NEXMIF: variants seen among roughly 807,000 people sequenced by gnomAD.
NEXMIF encodes neurite extension and migration factor.
A neutral mutation model predicts 62.1 loss-of-function variants in NEXMIF; 8 were observed. The ratio of observed to expected loss-of-function variants is 0.13; its 90% CI spans 0.08 to 0.23. NEXMIF has a LOEUF of 0.23. Among genes scored for constraint, NEXMIF ranks in the 10% least tolerant of loss-of-function variants. The pLI is 1.00. For synonymous variants in NEXMIF, 404 were observed against 416.6 expected, an observed-to-expected ratio of 0.97 and a Z score of 0.37; for missense variants, 976 against 1,113.3, an observed-to-expected ratio of 0.88 and a Z score of 1.75.
intron 1 of NEXMIF, among the ~76,000 whole-genome samples, chrX:74,903,325 TACACACACACACACACACACAC>T (rs397897060): frequency 3.7e-4 from 19 of 51,222 alleles, no homozygotes; most frequent in Admixed American, 3.3e-3. Context: ...TTCTCAGGCA[TACACACACACACACACACACAC>T]ACACACACAC....
intron 1 of NEXMIF, among the ~76,000 whole-genome samples, chrX:74,793,500 T>G (rs887655275): frequency 8.1e-5 from 9 of 111,045 alleles, no homozygotes; most frequent in Non-Finnish European, 1.7e-4. Flanking sequence ...TTCTCTGTAT[T>G]TCCTGAATCT....
At chrX:74,881,155 AAGAT>A (rs905618592) in intron 1 of NEXMIF, among the ~76,000 whole-genome samples, 4 of 111,354 alleles carry the variant, frequency 3.6e-5, no homozygotes, top group African/African-American at 6.6e-5. Flanking sequence ...AGAGAAAAGA[AAGAT>A]AGAGACAAAA....
intron 1 of NEXMIF, among the ~76,000 whole-genome samples, chrX:74,856,073 A>G (rs2080533860): frequency 8.9e-6 from 1 of 112,283 alleles, no homozygotes; most frequent in Non-Finnish European, 1.9e-5. Flanking sequence ...AAAGCAATCA[A>G]TAGAAACTGT....
intron 1 of NEXMIF, among the ~76,000 whole-genome samples, chrX:74,842,343 A>C (rs751030592): frequency 9.0e-6 from 1 of 110,914 alleles, no homozygotes; most frequent in South Asian, 3.8e-4. Flanking sequence ...ATCATTTCTA[A>C]TTGTGTTTAT....
rs769366421 is a variant in NEXMIF at position 74,741,454 on chromosome X, C to A, written c.3103G>T (p.Val1035Leu). Residue 1035 changes from valine to leucine, a missense_variant, in exon 3 of 4, where the codon GTG becomes TTG. Physicochemically the swap from Val to Leu is conservative, Grantham distance 32. This residue lies in a region of NEXMIF where 639 missense variants were observed against 694.5 expected (regional missense o/e 0.92). Coordinates refer to ENST00000055682, the MANE Select transcript of NEXMIF (RefSeq NM_001008537.3). Reference sequence around the variant, plus strand: ...ATCTCATCAATGCTTTGCTGGATCACCAGCTTAGGGCTGCAATGGGCCAGG... The same window carrying A: ...ATCTCATCAATGCTTTGCTGGATCAACAGCTTAGGGCTGCAATGGGCCAGG... Reference protein sequence around the residue: ...DFLAHCSPKLVIQQSIDEIAP... With the variant: ...DFLAHCSPKLLIQQSIDEIAP... The A allele has an allele frequency of 1.2e-5, 14 of 1,211,659 alleles. No homozygotes were observed. Among genetic ancestry groups the A allele is most frequent in the South Asian group, 3.5e-5 (2 of 56,956 alleles).
rs996337246 is a variant in NEXMIF, at chrX:74,733,353, G to C, written c.*6052C>G. 14 of 111,461 alleles carry C rather than the reference G, an allele frequency of 1.3e-4. No individual in the cohort carries two copies. The highest frequency in any genetic ancestry group is 4.6e-4 in the African/African-American group (14 of 30,606). 9.2% of individuals were successfully genotyped at this position (111,461 alleles called of 1,213,427 possible). A position where few individuals can be genotyped will look rare whatever the true frequency, so the allele number is the denominator to read the frequency against. On this transcript the variant is annotated 3_prime_UTR_variant, in exon 4 of 4. Transcript: ENST00000055682. ...TACATGTTAAATCTAATACATTTGGGCTTTTATTTTGCATATCTTTTTTCC... is the reference window on the plus strand; with the variant it reads ...TACATGTTAAATCTAATACATTTGGCCTTTTATTTTGCATATCTTTTTTCC...
chrX:74,796,174 T>TATATATAC (rs2080307687), intron 1 of NEXMIF, among the ~76,000 whole-genome samples: 1 of 72,934 alleles, frequency 1.4e-5, no homozygotes, highest in Non-Finnish European at 2.4e-5. Context: ...ATATATATTA[T>TATATATAC]ATATATACAT....
intron 1 of NEXMIF, among the ~76,000 whole-genome samples, chrX:74,869,585 CA>C (rs1030184513): frequency 2.7e-5 from 3 of 111,564 alleles, no homozygotes; most frequent in Non-Finnish European, 5.7e-5. Context: ...AATGACTCCA[CA>C]AAAAACAATT....
chrX:74,754,070 T>C (rs2080152025), intron 1 of NEXMIF, among the ~76,000 whole-genome samples: 1 of 110,747 alleles, frequency 9.0e-6, no homozygotes, highest in Non-Finnish European at 1.9e-5. Flanking sequence ...CAGGTGATTC[T>C]CCTGCCTCAG....
chrX:74,833,831 G>A (rs1215833043), intron 1 of NEXMIF, among the ~76,000 whole-genome samples: 1 of 111,049 alleles, frequency 9.0e-6, no homozygotes, highest in Non-Finnish European at 1.9e-5. Flanking sequence ...CACTGATTAC[G>A]TAAACAAACA....
intron 1 of NEXMIF, among the ~76,000 whole-genome samples, chrX:74,881,328 C>T (rs1210205810): frequency 1.8e-5 from 2 of 108,732 alleles, no homozygotes; most frequent in South Asian, 4.0e-4. Flanking sequence ...TCTTAAGGTA[C>T]TCTGAGGGCT....
chrX:74,834,883 TA>T (rs2080451202), intron 1 of NEXMIF, among the ~76,000 whole-genome samples: 1 of 111,877 alleles, frequency 8.9e-6, no homozygotes, highest in African/African-American at 3.2e-5. Flanking sequence ...TCCCCCTGAA[TA>T]AAATTTCTAC....
intron 1 of NEXMIF, among the ~76,000 whole-genome samples, chrX:74,748,808 C>T: frequency 9.0e-6 from 1 of 111,429 alleles, no homozygotes; most frequent in Non-Finnish European, 1.9e-5. Flanking sequence ...GTCTAGGTGA[C>T]CCACACCAAC....
At chrX:74,827,834 TC>T (rs1201024378) in intron 1 of NEXMIF, among the ~76,000 whole-genome samples, 3 of 111,116 alleles carry the variant, frequency 2.7e-5, no homozygotes, top group Admixed American at 9.6e-5. Context: ...CAGAAACAAA[TC>T]AGAAAAGACC....
intron 1 of NEXMIF, among the ~76,000 whole-genome samples, chrX:74,872,799 A>G (rs1031725500): frequency 4.5e-5 from 5 of 110,142 alleles, no homozygotes; most frequent in African/African-American, 1.6e-4. Context: ...AAACATATAC[A>G]TACCTACTAT....
chrX:74,878,244 G>C (rs751633696), intron 1 of NEXMIF, among the ~76,000 whole-genome samples: 3 of 109,720 alleles, frequency 2.7e-5, no homozygotes, highest in East Asian at 2.9e-4. Flanking sequence ...TGGAGTACCC[G>C]GCCGTGTGAG....
chrX:74,765,886 A>T (rs1014834090), intron 1 of NEXMIF, among the ~76,000 whole-genome samples: 5 of 106,388 alleles, frequency 4.7e-5, no homozygotes, highest in Admixed American at 4.1e-4. Context: ...AAAAAAAAAA[A>T]AAAAAGTAAC....
intron 1 of NEXMIF, among the ~76,000 whole-genome samples, chrX:74,761,394 G>T (rs946042409): frequency 2.7e-5 from 3 of 111,340 alleles, no homozygotes; most frequent in Non-Finnish European, 5.7e-5. Flanking sequence ...TTCAATTTTG[G>T]AGCTTGTTAC....
intron 1 of NEXMIF, among the ~76,000 whole-genome samples, chrX:74,791,733 C>A (rs1451624679): frequency 9.1e-6 from 1 of 109,937 alleles, no homozygotes; most frequent in East Asian, 2.9e-4. Flanking sequence ...GGAATTTATC[C>A]ATTTCTTCTA....
Sources: allele counts gnomAD v4.1 joint callset (sites outside exome capture counted in the v4.1 genomes callset), GRCh38; gene constraint gnomAD v4.1.1; regional missense constraint gnomAD v4.1.1; transcripts MANE v1.5; gene names NCBI Gene and HGNC (gene_info 2026-07-23, HGNC 2026-07-21).